The following GREB1L variants were observed in gnomAD, a reference collection of about 807,000 sequenced individuals.
GREB1L encodes GREB1-like protein.
GREB1L carries 17 observed loss-of-function variants against 200.8 expected under a neutral mutation model. That is an observed-to-expected ratio of 0.08 (90% CI 0.06 to 0.13). GREB1L has a LOEUF of 0.13. Ranked by LOEUF, GREB1L falls within the 10% of genes least tolerant of loss-of-function variation. The pLI is 1.00. For missense variants in GREB1L, 1,657 were observed against 2,367.7 expected, an observed-to-expected ratio of 0.70 and a Z score of 6.23; for synonymous variants, 789 against 893.0, an observed-to-expected ratio of 0.88 and a Z score of 2.08.
intron 1 of GREB1L, among the ~76,000 whole-genome samples, chr18:21,354,226 A>C (rs2039473450): frequency 6.6e-6 from 1 of 152,176 alleles, no homozygotes. Flanking sequence ...TAAATAATAA[A>C]GTTTTTCAGA....
chr18:21,350,573 A>G (rs1486908699), intron 1 of GREB1L, among the ~76,000 whole-genome samples: 2 of 152,110 alleles, frequency 1.3e-5, no homozygotes, highest in Non-Finnish European at 2.9e-5. Flanking sequence ...TGTTTTACAT[A>G]TTTTGAACAT....
intron 1 of GREB1L, among the ~76,000 whole-genome samples, chr18:21,249,321 C>T (rs758520037): frequency 7.9e-5 from 12 of 152,174 alleles, no homozygotes; most frequent in Non-Finnish European, 1.8e-4. Context: ...CTCTAAATAA[C>T]ATCCGTATCA....
chr18:21,444,849 A>G (rs998146629), intron 11 of GREB1L, among the ~76,000 whole-genome samples: 2 of 152,184 alleles, frequency 1.3e-5, no homozygotes, highest in African/African-American at 4.8e-5. Context: ...TATCTTGTTT[A>G]TCCACTGGCC....
In GREB1L at chr18:21,505,711, T is replaced by C. The variant is rs114030546; in HGVS notation, c.4229-99T>C. On this transcript the variant is annotated intron_variant, in intron 24 of 32. Coordinates refer to ENST00000424526, the MANE Select transcript of GREB1L (RefSeq NM_001142966.3). ...GTTTCTTAGGGCATAAATTACAGAA[T>C]ACATGGAAAAGTCATTTTGGGGAAA... The C allele has an allele frequency of 1.9e-3, 2,655 of 1,416,746 alleles. 48 individuals carry two copies. In the African/African-American group the frequency reaches 0.034, roughly 18 times the overall value. 87.8% of individuals were successfully genotyped at this position (1,416,746 alleles called of 1,614,324 possible).
chr18:21,451,637 A>G (rs1810016), intron 13 of GREB1L, among the ~76,000 whole-genome samples: 149,589 of 151,828 alleles, frequency 0.99, 73,731 homozygotes, highest in East Asian at 1. Context: ...TGGACTACAG[A>G]CATGTGCCAC....
chr18:21,417,684 C>T (rs192963667), intron 7 of GREB1L, among the ~76,000 whole-genome samples: 3 of 152,138 alleles, frequency 2.0e-5, no homozygotes, highest in Admixed American at 6.5e-5. Context: ...CGAATCTTTA[C>T]AAGGCATTGA....
intron 1 of GREB1L, among the ~76,000 whole-genome samples, chr18:21,330,790 A>AT (rs1475288210): frequency 3.3e-5 from 5 of 151,740 alleles, no homozygotes; most frequent in East Asian, 1.9e-4. Flanking sequence ...GACATACCTA[A>AT]TTTTTTTTTG....
At chr18:21,391,426 T>C (rs2040800825) in intron 4 of GREB1L, among the ~76,000 whole-genome samples, 1 of 152,248 alleles carries the variant, frequency 6.6e-6, no homozygotes. Flanking sequence ...GTACACTCTA[T>C]GATGTTCACA....
chr18:21,508,715 G>GAAA (rs35816889), intron 27 of GREB1L, 124 bp downstream of exon 27: 3,621 of 376,232 alleles, frequency 9.6e-3, no homozygotes, highest in South Asian at 0.013. Flanking sequence ...CCACTCTTCG[G>GAAA]AAAAAAAAAA....
chr18:21,405,867 C>A (rs553468646), intron 7 of GREB1L, among the ~76,000 whole-genome samples: 1 of 152,040 alleles, frequency 6.6e-6, no homozygotes, highest in African/African-American at 2.4e-5. Flanking sequence ...GTGGCTCATG[C>A]CTGTAATCCC....
intron 18 of GREB1L, among the ~76,000 whole-genome samples, chr18:21,488,218 C>T (rs2036200151): frequency 6.6e-6 from 1 of 152,190 alleles, no homozygotes; most frequent in Non-Finnish European, 1.5e-5. Flanking sequence ...ATTGCTTGAA[C>T]CCGGGAAGCG....
intron 17 of GREB1L, among the ~76,000 whole-genome samples, chr18:21,484,638 G>A (rs1479134517): frequency 7.9e-5 from 12 of 152,046 alleles, no homozygotes; most frequent in African/African-American, 2.4e-4. Flanking sequence ...CCAACGTGGC[G>A]AAACCCCGTC....
At chr18:21,353,844 G>C (rs2039467959) in intron 1 of GREB1L, among the ~76,000 whole-genome samples, 1 of 152,118 alleles carries the variant, frequency 6.6e-6, no homozygotes, top group Non-Finnish European at 1.5e-5. Context: ...GAAGTGCAGT[G>C]GTGCAATCTC....
chr18:21,496,301 G>A (rs1334600995), intron 20 of GREB1L, among the ~76,000 whole-genome samples, 153 bp from the exon 21 acceptor site: 3 of 152,182 alleles, frequency 2.0e-5, no homozygotes, highest in Non-Finnish European at 2.9e-5. Context: ...ATAACAGCTG[G>A]GAGGTGGCAG....
At chr18:21,462,904 G>A (rs1201608563) in intron 15 of GREB1L, among the ~76,000 whole-genome samples, 2 of 152,106 alleles carry the variant, frequency 1.3e-5, no homozygotes, top group Non-Finnish European at 2.9e-5. Context: ...GAACCTAACT[G>A]CATATCACAT....
At chr18:21,250,411 A>T (rs1249838087) in intron 1 of GREB1L, among the ~76,000 whole-genome samples, 1 of 152,268 alleles carries the variant, frequency 6.6e-6, no homozygotes, top group African/African-American at 2.4e-5. Flanking sequence ...CTAGGGTGGG[A>T]CCCATGAATG....
At chr18:21,350,864 CTGTT>C (rs985347298) in intron 1 of GREB1L, among the ~76,000 whole-genome samples, 39 of 152,256 alleles carry the variant, frequency 2.6e-4, no homozygotes, top group African/African-American at 9.1e-4. Context: ...TGGAAAAAAA[CTGTT>C]TGACACTTTT....
chr18:21,367,790 A>T (rs1437019623), intron 2 of GREB1L, among the ~76,000 whole-genome samples: 1 of 152,214 alleles, frequency 6.6e-6, no homozygotes. Context: ...AGTCAAGAAT[A>T]GAGAATAAGA....
intron 6 of GREB1L, among the ~76,000 whole-genome samples, chr18:21,403,113 A>G (rs1168857507): frequency 6.6e-6 from 1 of 152,134 alleles, no homozygotes; most frequent in African/African-American, 2.4e-5. Flanking sequence ...ACTTTGTCAT[A>G]TAAAATCATT....
Sources: allele counts gnomAD v4.1 joint callset (sites outside exome capture counted in the v4.1 genomes callset), GRCh38; gene constraint gnomAD v4.1.1; transcripts MANE v1.5; gene names NCBI Gene and HGNC (gene_info 2026-07-23, HGNC 2026-07-21).